Variants in NUP155 observed in about 807,000 individuals in gnomAD.
The protein encoded by NUP155 is nuclear pore complex protein Nup155.
Under a neutral mutation model 180.4 loss-of-function variants are expected in NUP155, and 71 were observed. The ratio of observed to expected loss-of-function variants is 0.39; its 90% CI spans 0.33 to 0.48. NUP155 has a LOEUF of 0.48. Ranked by LOEUF, NUP155 falls within the 20% of genes least tolerant of loss-of-function variation. NUP155 has a pLI of 0.91. For missense variants in NUP155, 1,553 were observed against 1,648.9 expected, an observed-to-expected ratio of 0.94 and a Z score of 1.01; for synonymous variants, 582 against 559.5, an observed-to-expected ratio of 1.04 and a Z score of -0.57.
Position 37,331,735 on chromosome 5 carries a change from T to A in NUP155, c.1579A>T (p.Asn527Tyr), listed in dbSNP as rs769074596. 4 of 1,611,578 alleles carry A rather than the reference T, an allele frequency of 2.5e-6. No homozygotes were observed. Among genetic ancestry groups the A allele is most frequent in the Non-Finnish European group, 3.4e-6 (4 of 1,178,768 alleles). Residue 527 changes from asparagine (N) to tyrosine (Y), a missense_variant, in exon 14 of 35, where the codon AAT (asparagine) becomes TAT (tyrosine). Physicochemically the swap from Asn to Tyr is moderately radical, Grantham distance 143. Coordinates refer to ENST00000231498, the MANE Select transcript of NUP155 (RefSeq NM_153485.3). ...VDQLRHLLVS[N>Y]VGGDGEEIER... ...ATCTCTTCTCCATCTCCTCCCACAT[T>A]ACTCACAAGTAGATGCCTCAGTTGA...
chr5:37,309,179 T>G lies in NUP155; in HGVS notation c.2717A>C (p.Lys906Thr), dbSNP rs1581141873. ...MLRESLKEYQ[K>T]ISNQVDLSNV... is the part of the protein sequence containing the mutation. Reference sequence around the variant, plus strand: ...GGAAAGGTCCACTTGATTGCTAATTTTTTGATATTCCTTTAATGATTCCCT... The same window carrying G: ...GGAAAGGTCCACTTGATTGCTAATTGTTTGATATTCCTTTAATGATTCCCT... Residue 906 changes from lysine (K) to threonine (T), a missense_variant, in exon 24 of 35, where the codon AAA (lysine) becomes ACA (threonine). Coordinates refer to ENST00000231498, the MANE Select transcript of NUP155 (RefSeq NM_153485.3). 2 of 1,613,730 alleles carry G rather than the reference T, an allele frequency of 1.2e-6. No homozygotes were observed. Among genetic ancestry groups the G allele is most frequent in the East Asian group, 2.2e-5 (1 of 44,862 alleles).
chr5:37,349,464 G>C (rs184879411), intron 7 of NUP155, among the ~76,000 whole-genome samples: 1 of 152,094 alleles, frequency 6.6e-6, no homozygotes, highest in South Asian at 2.1e-4. Flanking sequence ...GCTAAATACT[G>C]TGACTGGGTT....
At chr5:37,338,382 T>C (rs1166786225) in intron 11 of NUP155, among the ~76,000 whole-genome samples, 1 of 150,406 alleles carries the variant, frequency 6.6e-6, no homozygotes, top group East Asian at 1.9e-4. Context: ...AAAACTAGCA[T>C]ATATAAATAT....
intron 21 of NUP155, among the ~76,000 whole-genome samples, chr5:37,315,167 G>A (rs1743803699): frequency 6.6e-6 from 1 of 152,360 alleles, no homozygotes. Flanking sequence ...GGGAGGTAGA[G>A]GTTGCAGTAA....
intron 3 of NUP155, among the ~76,000 whole-genome samples, chr5:37,362,020 G>T (rs1747254259): frequency 6.6e-6 from 1 of 152,162 alleles, no homozygotes; most frequent in African/African-American, 2.4e-5. Flanking sequence ...GAACATTGAA[G>T]TGGGCTTTCA....
intron 1 of NUP155, among the ~76,000 whole-genome samples, chr5:37,365,752 TACACACACACACACACACAC>T (rs372031424): frequency 4.7e-4 from 18 of 37,896 alleles, no homozygotes; most frequent in Non-Finnish European, 6.7e-4. Flanking sequence ...TATATATATA[TACACACACACACACACACAC>T]ACACACACAC....
At chr5:37,357,399 C>CAA (rs397997409) in intron 4 of NUP155, among the ~76,000 whole-genome samples, 1,609 of 31,310 alleles carry the variant, frequency 0.051, 236 homozygotes, top group African/African-American at 0.13. Flanking sequence ...ACCTTAATCT[C>CAA]AAAAAAAAAA....
At chr5:37,304,006 G>A (rs1322130969) in intron 27 of NUP155, among the ~76,000 whole-genome samples, 2 of 151,740 alleles carry the variant, frequency 1.3e-5, no homozygotes, top group Non-Finnish European at 2.9e-5. Flanking sequence ...CCAGCACTTC[G>A]GGAAGCTGAG....
In NUP155 at chr5:37,349,206, A is replaced by T; in HGVS notation, c.869T>A (p.Ile290Asn). The change falls in exon 8 of 35, where the codon ATT becomes AAT. Residue 290 changes from isoleucine to asparagine, a missense_variant. Transcript: ENST00000231498. ...TCCTTTCTCAGATCGTGTATATAAA[A>T]TATTTCTAGAATTATCAATTGCAAT... ...LQIAIDNSRNILYTRSEKGVI... is the reference protein window; with the variant it reads ...LQIAIDNSRNNLYTRSEKGVI... 1 of 814,840 alleles carries T rather than the reference A, an allele frequency of 1.2e-6. No individual in the cohort carries two copies. The highest frequency in any genetic ancestry group is 1.9e-6 in the Non-Finnish European group (1 of 519,770). 50.5% of individuals were successfully genotyped at this position (814,840 alleles called of 1,614,324 possible).
intron 9 of NUP155, among the ~76,000 whole-genome samples, chr5:37,346,580 G>T (rs2150981916): frequency 6.6e-6 from 1 of 152,080 alleles, no homozygotes; most frequent in East Asian, 1.9e-4. Flanking sequence ...GCTAAGGCAG[G>T]AGAATCGCTT....
Position 37,341,179 on chromosome 5 carries a change from G to C in NUP155, c.1157C>G (p.Thr386Arg). 6.2e-7 allele frequency: 1 copy of C among 1,613,874 alleles called. No individual in the cohort carries two copies. The highest frequency in any genetic ancestry group is 8.5e-7 in the Non-Finnish European group (1 of 1,179,732). ...AGGAGGTAAGCGGACATGAACCAGC[G>C]TCAGTGTATTAGGCCGTGCTAATGG... ...RQPLARPNTL[T>R]LVHVRLPPGF... is the part of the protein sequence containing the mutation. The change falls in exon 11 of 35, where the codon ACG (threonine) becomes AGG (arginine). Residue 386 changes from threonine to arginine, a missense_variant. By Grantham distance (71) the Thr-to-Arg change is moderately conservative. Coordinates refer to ENST00000231498, the MANE Select transcript of NUP155 (RefSeq NM_153485.3).
chr5:37,324,000 T>C lies in NUP155; in HGVS notation c.2199A>G (p.Gly733=). The stretch of plus-strand genomic sequence containing the variant: ...ACCCTATTTATTCTTACTTTGGATT[T>C]CCTAATGGTCCTCCTGCAAACTGGG... The part of the protein sequence containing the change: ...RNSQFAGGPL[G]NPNTTAKVQQ... The change falls in exon 20 of 35, where the codon GGA becomes GGG. Residue 733 remains glycine, a synonymous_variant. Transcript: ENST00000231498. 1 of 1,599,324 alleles carries C rather than the reference T, an allele frequency of 6.3e-7. No individual in the cohort carries two copies. The highest frequency in any genetic ancestry group is 1.1e-5 in the South Asian group (1 of 90,754).
chr5:37,363,511 T>A (rs1349358277), intron 3 of NUP155, among the ~76,000 whole-genome samples: 1 of 152,086 alleles, frequency 6.6e-6, no homozygotes, highest in Non-Finnish European at 1.5e-5. Flanking sequence ...TAAATAAATA[T>A]CACATGCCTA....
rs1742152931 is a variant in NUP155, at chr5:37,289,700, A to G, written c.*2200T>C. The G allele has an allele frequency of 6.6e-6, 1 of 152,238 alleles. No homozygotes were observed. The highest frequency in any genetic ancestry group is 2.1e-4 in the South Asian group (1 of 4,834). The allele number at this position is 152,238 out of a possible 1,614,324, so 9.4% of individuals were successfully genotyped here. ...AGCCTACAGCCCTTTTAAAACATGT[A>G]CTTTCAATGTTGTGAGCTGAGTATA... On this transcript the variant is annotated 3_prime_UTR_variant, in exon 35 of 35. Transcript: ENST00000231498.
rs372031424 is a variant in NUP155, at chr5:37,365,752, T to TACACACAC, written c.158-1376_158-1369dup. On this transcript the variant is annotated intron_variant, in intron 1 of 34. Coordinates refer to ENST00000231498, the MANE Select transcript of NUP155 (RefSeq NM_153485.3). ...AAAAAAAAAAAAATATATATATATA[T>TACACACAC]ACACACACACACACACACACACACA... Among the ~76,000 whole-genome samples the TACACACAC allele has an allele frequency of 9.6e-3, 364 of 37,806 alleles. 3 individuals carry two copies. Among genetic ancestry groups the TACACACAC allele is most frequent in the Middle Eastern group, 0.025 (1 of 40 alleles). 24.8% of individuals were successfully genotyped at this position (37,806 alleles called of 152,430 possible).
chr5:37,358,578 G>A (rs1243841332), intron 3 of NUP155, among the ~76,000 whole-genome samples: 1 of 152,144 alleles, frequency 6.6e-6, no homozygotes, highest in African/African-American at 2.4e-5. Flanking sequence ...GAAGTGCAGT[G>A]GCACAATCTT....
rs775407311 is a variant in NUP155, at chr5:37,327,761, G to A, written c.1892C>T (p.Ala631Val). ...GTPSHGIQPP[A>V]MSTPVCALGN... is the part of the protein sequence containing the mutation. ...CAGAGCACACACTGGAGTTGACATG[G>A]CAGGAGGCTGTATACCTTGTACACA... The change falls in exon 18 of 35, where the codon GCC (alanine) becomes GTC (valine). Residue 631 changes from alanine (A) to valine (V), a missense_variant. Ala to Val is a moderately conservative substitution (Grantham distance 64, BLOSUM62 0). Transcript: ENST00000231498. 1.2e-6 allele frequency: 2 copies of A among 1,614,074 alleles called. No homozygotes were observed. Among genetic ancestry groups the A allele is most frequent in the Admixed American group, 1.7e-5 (1 of 60,008 alleles).
At chr5:37,297,214 G>A (rs1023257047) in intron 32 of NUP155, among the ~76,000 whole-genome samples, 2 of 152,028 alleles carry the variant, frequency 1.3e-5, no homozygotes, top group African/African-American at 4.8e-5. Flanking sequence ...TAGAGACGGG[G>A]CTTGCTATGC....
chr5:37,309,491 T>A (rs1418518069), intron 23 of NUP155: 1 of 501,404 alleles, frequency 2.0e-6, no homozygotes, highest in African/African-American at 1.9e-5. Context: ...AGAGAACTTT[T>A]GTCTGGTAAT....
Sources: gnomAD v4.1 joint callset for allele counts (sites outside exome capture counted in the v4.1 genomes callset) on GRCh38, gnomAD v4.1.1 for gene constraint, MANE v1.5 for transcripts, NCBI Gene and HGNC (gene_info 2026-07-23, HGNC 2026-07-21) for gene names.